Variants in POLI observed in about 807,000 individuals in gnomAD.
POLI encodes the protein RAD30 homolog B.
A neutral mutation model predicts 51.6 loss-of-function variants in POLI; 58 were observed. The ratio of observed to expected loss-of-function variants is 1.12; its 90% CI spans 0.91 to 1.40. The LOEUF (loss-of-function observed/expected upper bound fraction) is 1.40. Among genes scored for constraint, POLI ranks in the 40% most tolerant of loss-of-function variants. The pLI is 0.00. For missense variants in POLI, 921 were observed against 871.3 expected (o/e 1.06, Z -0.72); for synonymous variants, 322 against 299.7 (o/e 1.07, Z -0.77).
chr18:54,296,907 A>AAT lies in POLI; in HGVS notation c.*2441_*2442insTA. 1.1e-6 allele frequency: 1 copy of AAT among 944,932 alleles called. No homozygotes were observed. Among genetic ancestry groups the AAT allele is most frequent in the South Asian group, 4.9e-5 (1 of 20,390 alleles). 58.5% of individuals were successfully genotyped at this position (944,932 alleles called of 1,614,324 possible). A position where few individuals can be genotyped will look rare whatever the true frequency, so the allele number is the denominator to read the frequency against. The stretch of plus-strand genomic sequence containing the variant: ...TAATTTCAATATTTTAAGTCTTTAT[A>AAT]AGTCTACATTTAAGGTTATTATTGC... On this transcript the variant is annotated 3_prime_UTR_variant, in exon 10 of 10. Coordinates refer to ENST00000579534, the MANE Select transcript of POLI (RefSeq NM_007195.3).
At chr18:54,275,501 G>A (rs2087200668) in intron 3 of POLI, among the ~76,000 whole-genome samples, 1 of 152,152 alleles carries the variant, frequency 6.6e-6, no homozygotes, top group Non-Finnish European at 1.5e-5. Flanking sequence ...AGAATTCATT[G>A]GTGCAATACT....
chr18:54,307,705 T>A (rs62091231), intron 3 of POLI, among the ~76,000 whole-genome samples: 6 of 152,260 alleles, frequency 3.9e-5, no homozygotes, highest in Non-Finnish European at 7.4e-5. Flanking sequence ...CCCATTATTA[T>A]TGTGTGGGAG....
rs371014509 is a variant in POLI at position 54,284,401 on chromosome 18, A to G, written c.1067+388A>G. On this transcript the variant is annotated intron_variant, in intron 7 of 9. Coordinates refer to ENST00000579534, the MANE Select transcript of POLI (RefSeq NM_007195.3). ...TGCCCTCAACCTAATAGTTAGTTGC[A>G]TTTCATTAAGTTAGTACCATGCTAA... Among the ~76,000 whole-genome samples the G allele has an allele frequency of 1.1e-3, 163 of 152,320 alleles. 4 individuals are homozygous for G. The South Asian group carries it at 0.03, about 28-fold the overall frequency.
chr18:54,269,793 G>T, intron 1 of POLI, 132 bp downstream of exon 1: 1 of 1,375,630 alleles, frequency 7.3e-7, no homozygotes, highest in Non-Finnish European at 9.3e-7. Flanking sequence ...AGAGAGGGCT[G>T]CCTCCCTCTG....
At chr18:54,286,866 C>G (rs2087768550) in intron 7 of POLI, among the ~76,000 whole-genome samples, 1 of 152,034 alleles carries the variant, frequency 6.6e-6, no homozygotes, top group Non-Finnish European at 1.5e-5. Flanking sequence ...ATTGCTTGAA[C>G]CTGGGAGGTG....
chr18:54,285,749 G>A (rs2087715576), intron 7 of POLI, among the ~76,000 whole-genome samples: 1 of 151,978 alleles, frequency 6.6e-6, no homozygotes, highest in African/African-American at 2.4e-5. Context: ...AATATAACAC[G>A]TTTAACTGGA....
At chr18:54,321,243 G>T (rs780749427) in exon 5 of POLI, 1 of 152,146 alleles carries the variant, frequency 6.6e-6, no homozygotes, top group Non-Finnish European at 1.5e-5. Context: ...TTAAATAAAT[G>T]GAAGAATCCA....
intron 3 of POLI, among the ~76,000 whole-genome samples, chr18:54,305,499 G>A (rs867359895): frequency 9.8e-6 from 1 of 102,330 alleles, no homozygotes; most frequent in Non-Finnish European, 2.4e-5. Flanking sequence ...GGATTCCTAG[G>A]TATTTTATTC....
rs2088337278 is a variant in POLI, at chr18:54,296,517, C to T, written c.*2050C>T. 1 of 234,354 alleles carries T rather than the reference C, an allele frequency of 4.3e-6. No homozygotes were observed. Among genetic ancestry groups the T allele is most frequent in the African/African-American group, 2.3e-5 (1 of 42,978 alleles). The allele number at this position is 234,354 out of a possible 1,614,324, so 14.5% of individuals were successfully genotyped here. ...TTTTATTCTTAGTATATACTGGCTTCTTCCTGTATCTTTTAATTCATGTTC... is the reference window on the plus strand; with the variant it reads ...TTTTATTCTTAGTATATACTGGCTTTTTCCTGTATCTTTTAATTCATGTTC... On this transcript the variant is annotated 3_prime_UTR_variant, in exon 10 of 10. Coordinates refer to ENST00000579534, the MANE Select transcript of POLI (RefSeq NM_007195.3).
intron 6 of POLI, among the ~76,000 whole-genome samples, chr18:54,283,575 G>A (rs998617227): frequency 5.9e-5 from 9 of 152,008 alleles, no homozygotes; most frequent in Admixed American, 1.3e-4. Context: ...ACTTGTCCAA[G>A]GATAAACTTA....
At chr18:54,315,526 C>G (rs2084256801) in intron 3 of POLI, among the ~76,000 whole-genome samples, 2 of 152,088 alleles carry the variant, frequency 1.3e-5, no homozygotes, top group South Asian at 4.1e-4. Context: ...TTGTTAATTT[C>G]TACCTTAATG....
At chr18:54,273,020 CT>C (rs3730700) in intron 2 of POLI, among the ~76,000 whole-genome samples, 18,325 of 151,728 alleles carry the variant, frequency 0.12, 3,609 homozygotes, top group African/African-American at 0.41. Context: ...TGGACATAAC[CT>C]TTTTTTTCTA....
intron 3 of POLI, among the ~76,000 whole-genome samples, chr18:54,316,025 C>T (rs1196933358): frequency 6.6e-6 from 1 of 152,034 alleles, no homozygotes. Context: ...ATGCAATCTT[C>T]CTGCCTCAGC....
intron 3 of POLI, among the ~76,000 whole-genome samples, chr18:54,306,455 G>A (rs2088587206): frequency 6.6e-6 from 1 of 152,158 alleles, no homozygotes. Flanking sequence ...AGTTTTTGAT[G>A]TGCTGCTGGA....
In POLI at chr18:54,276,551, T is replaced by C. The variant is rs369062087; in HGVS notation, c.407-1152T>C. 1.1e-3 allele frequency among the ~76,000 whole-genome samples: 164 copies of C among 152,358 alleles called. 4 individuals carry two copies. The South Asian group carries it at 0.03, about 28-fold the overall frequency. On this transcript the variant is annotated intron_variant, in intron 3 of 9. Transcript: ENST00000579534. ...TAGTATTCTTTTGATAAACTCTTGT[T>C]TTCTACATGTTACTTTGCATATCAG...
chr18:54,315,236 G>A (rs1187370095), intron 3 of POLI, among the ~76,000 whole-genome samples: 1 of 152,134 alleles, frequency 6.6e-6, no homozygotes, highest in Non-Finnish European at 1.5e-5. Flanking sequence ...CCATTCAGGA[G>A]CAAGTTGTTT....
chr18:54,306,535 C>CT (rs201171537), intron 3 of POLI, among the ~76,000 whole-genome samples: 27,895 of 151,684 alleles, frequency 0.18, 2,752 homozygotes, highest in Middle Eastern at 0.25. Context: ...CTAAAATTCT[C>CT]TTTTTTGTGT....
intron 2 of POLI, among the ~76,000 whole-genome samples, chr18:54,273,216 G>A (rs2087084615): frequency 6.6e-6 from 1 of 151,918 alleles, no homozygotes; most frequent in Admixed American, 6.6e-5. Context: ...AGTTCAATAA[G>A]TAGTACATAA....
Position 54,291,833 on chromosome 18 carries a change from G to T in POLI, c.1199G>T (p.Gly400Val). Residue 400 changes from glycine (G) to valine (V), a missense_variant and splice_region_variant, in exon 9 of 10, where the codon GGA (glycine) becomes GTA (valine). Coordinates refer to ENST00000579534, the MANE Select transcript of POLI (RefSeq NM_007195.3). ...PSHVIQKLGT[G>V]NYDVMTPMVD... Reference sequence around the variant, plus strand: ...GTTTATTCTTAAACATTTTATTTAGGAAATTATGATGTGATGACCCCAATG... The same window carrying T: ...GTTTATTCTTAAACATTTTATTTAGTAAATTATGATGTGATGACCCCAATG... The T allele has an allele frequency of 1.4e-6, 2 of 1,436,532 alleles. No homozygotes were observed. Among genetic ancestry groups the T allele is most frequent in the South Asian group, 1.2e-5 (1 of 83,812 alleles). The allele number at this position is 1,436,532 out of a possible 1,614,324, so 89.0% of individuals were successfully genotyped here. A position where few individuals can be genotyped will look rare whatever the true frequency, so the allele number is the denominator to read the frequency against.
Sources: gnomAD v4.1 joint callset for allele counts (sites outside exome capture counted in the v4.1 genomes callset) on GRCh38, gnomAD v4.1.1 for gene constraint, MANE v1.5 for transcripts, NCBI Gene and HGNC (gene_info 2026-07-23, HGNC 2026-07-21) for gene names.